The following DCDC2 variants were observed in gnomAD, a reference collection of about 807,000 sequenced individuals.
DCDC2 encodes doublecortin domain-containing protein 2.
DCDC2 carries 40 observed loss-of-function variants against 50.2 expected under a neutral mutation model. That is an observed-to-expected ratio of 0.80 (90% CI 0.62 to 1.04). The LOEUF is 1.04. Ranked by LOEUF, DCDC2 falls within the 50% of genes least tolerant of loss-of-function variation. The pLI, the probability that DCDC2 is intolerant of heterozygous loss-of-function variation, is 0.00. For synonymous variants in DCDC2, 234 were observed against 210.6 expected, an observed-to-expected ratio of 1.11 and a Z score of -0.96; for missense variants, 570 against 581.9, an observed-to-expected ratio of 0.98 and a Z score of 0.21.
chr6:24,275,920 A>G (rs1194303688), intron 7 of DCDC2, among the ~76,000 whole-genome samples: 2 of 125,182 alleles, frequency 1.6e-5, no homozygotes, highest in African/African-American at 6.1e-5. Flanking sequence ...CCCAGGCTGG[A>G]GTGCAGTGAC....
chr6:24,212,686 T>A (rs1003098597), intron 7 of DCDC2, among the ~76,000 whole-genome samples: 28 of 152,306 alleles, frequency 1.8e-4, no homozygotes, highest in African/African-American at 6.0e-4. Flanking sequence ...TACACCCAAA[T>A]TCAGCTCTCA....
At chr6:24,283,560 A>T (rs555798800) in intron 6 of DCDC2, among the ~76,000 whole-genome samples, 320 of 152,206 alleles carry the variant, frequency 2.1e-3, no homozygotes, top group African/African-American at 7.3e-3. Context: ...GTCCCCTTTG[A>T]TTTGCATCAT....
At chr6:24,178,282 C>G in intron 9 of DCDC2, 48 bp downstream of exon 9, 2 of 1,550,776 alleles carry the variant, frequency 1.3e-6, no homozygotes, top group Non-Finnish European at 1.8e-6. Context: ...CATGTACACA[C>G]ACACATATTC....
In DCDC2 at chr6:24,357,791, G is replaced by C. The variant is rs367903367; in HGVS notation, c.-41C>G. 2 of 1,611,768 alleles carry C rather than the reference G, an allele frequency of 1.2e-6. No individual in the cohort carries two copies. Among genetic ancestry groups the C allele is most frequent in the East Asian group, 2.2e-5 (1 of 44,854 alleles). ...CCGCCTCAGCTCGCTGCTTCGCGTC[G>C]GGAGGCACCTCCGCTGTCCCAGCGG... On this transcript the variant is annotated 5_prime_UTR_variant, in exon 1 of 10. Transcript: ENST00000378454.
In DCDC2 at chr6:24,255,639, G is replaced by A. The variant is rs142032506; in HGVS notation, c.922+22410C>T. On this transcript the variant is annotated intron_variant, in intron 7 of 9. Coordinates refer to ENST00000378454, the MANE Select transcript of DCDC2 (RefSeq NM_016356.5). ...AAAAATGGACATGAGACTTGAATAG[G>A]AGCTTTACTAAAAAGCACCTCGGAA... 3.5e-4 allele frequency among the ~76,000 whole-genome samples: 54 copies of A among 152,144 alleles called. 2 individuals carry two copies. Among genetic ancestry groups the A allele is most frequent in the Middle Eastern group, 3.4e-3 (1 of 294 alleles).
intron 2 of DCDC2, among the ~76,000 whole-genome samples, chr6:24,305,794 A>AGG (rs60550308): frequency 0.047 from 7,086 of 151,986 alleles, 330 homozygotes; most frequent in African/African-American, 0.13. Flanking sequence ...TGGGAGGCCA[A>AGG]GGGGGGGTGG....
upstream of DCDC2, among the ~76,000 whole-genome samples, chr6:24,362,808 A>G (rs1760691537): frequency 6.6e-6 from 1 of 152,168 alleles, no homozygotes; most frequent in Admixed American, 6.6e-5. Flanking sequence ...GAACATATAC[A>G]TTTCTCTTCT....
chr6:24,301,769 T>C lies in DCDC2; in HGVS notation c.503A>G (p.His168Arg). 6.2e-7 allele frequency: 1 copy of C among 1,614,184 alleles called. No homozygotes were observed. Among genetic ancestry groups the C allele is most frequent in the Non-Finnish European group, 8.5e-7 (1 of 1,180,034 alleles). Residue 168 changes from histidine to arginine, a missense_variant, in exon 4 of 10, where the codon CAT becomes CGT. Physicochemically the swap from His to Arg is conservative, Grantham distance 29. Transcript: ENST00000378454. ...TTTTTCTGTGACCATTTGTAGTACA[T>C]GATCCCACTGATTCAAGGTTTTTCT... The part of the protein sequence containing the change: ...IPRKTLNQWD[H>R]VLQMVTEKIT...
chr6:24,358,024 C>A lies in DCDC2; in HGVS notation c.-274G>T. The stretch of plus-strand genomic sequence containing the variant: ...CGCAGTGCGCGCACCACACCAGGTT[C>A]ACCTGCTACGGGCAGAATCAAGGTG... On this transcript the variant is annotated 5_prime_UTR_variant, in exon 1 of 10. Coordinates refer to ENST00000378454, the MANE Select transcript of DCDC2 (RefSeq NM_016356.5). 8.1e-7 allele frequency: 1 copy of A among 1,239,162 alleles called. No homozygotes were observed. The highest frequency in any genetic ancestry group is 1.1e-6 in the Non-Finnish European group (1 of 911,854). The allele number at this position is 1,239,162 out of a possible 1,614,324, so 76.8% of individuals were successfully genotyped here.
the DCDC2 span, among the ~76,000 whole-genome samples, chr6:24,370,254 G>A: frequency 1.7e-4 from 26 of 152,226 alleles, no homozygotes; most frequent in East Asian, 7.7e-4. Flanking sequence ...ATAAGTCTTG[G>A]TGGGAATGTG....
At chr6:24,279,291 G>T (rs559794680) in intron 6 of DCDC2, among the ~76,000 whole-genome samples, 55 of 152,174 alleles carry the variant, frequency 3.6e-4, no homozygotes, top group African/African-American at 1.3e-3. Flanking sequence ...ATCATTTGAG[G>T]TCAGGAGTTT....
chr6:24,299,020 A>G (rs1759317753), intron 4 of DCDC2, among the ~76,000 whole-genome samples: 1 of 152,212 alleles, frequency 6.6e-6, no homozygotes, highest in Admixed American at 6.5e-5. Context: ...CATTCTACCA[A>G]AAAGAAGCAT....
At position 24,337,421 on chromosome 6, in the gene DCDC2, CA is replaced by C. The variant is rs537457041; in HGVS notation, c.348+16147del. ...GTCCTATAGGGAATATTTGCAAAGC[CA>C]AAAAAAAAAATGTCAATTGAGAATA... On this transcript the variant is annotated intron_variant, in intron 2 of 9. Transcript: ENST00000378454. 1.5e-3 allele frequency among the ~76,000 whole-genome samples: 212 copies of C among 142,518 alleles called. No homozygotes were observed. In the South Asian group the frequency reaches 0.017, roughly 11 times the overall value. The allele number at this position is 142,518 out of a possible 152,430, so 93.5% of individuals were successfully genotyped here.
At chr6:24,367,006 T>A in the DCDC2 span, among the ~76,000 whole-genome samples, 1 of 152,030 alleles carries the variant, frequency 6.6e-6, no homozygotes, top group Non-Finnish European at 1.5e-5. Flanking sequence ...CTAATTTTTT[T>A]AAATGTTGTG....
intron 2 of DCDC2, among the ~76,000 whole-genome samples, chr6:24,305,651 G>C (rs899584839): frequency 5.9e-5 from 9 of 152,218 alleles, no homozygotes; most frequent in Admixed American, 4.6e-4. Context: ...GGCTTTAGAT[G>C]ATGGGGAACA....
At chr6:24,204,938 C>T (rs1761675486) in intron 8 of DCDC2, 64 bp downstream of exon 8, 1 of 1,484,362 alleles carries the variant, frequency 6.7e-7, no homozygotes, top group African/African-American at 1.4e-5. Context: ...TAGGAGATAA[C>T]ACAAAACTTG....
At chr6:24,195,224 T>C (rs1761406474) in intron 8 of DCDC2, among the ~76,000 whole-genome samples, 1 of 152,166 alleles carries the variant, frequency 6.6e-6, no homozygotes, top group African/African-American at 2.4e-5. Context: ...CAAAGGACTT[T>C]ATTGCTCACG....
At chr6:24,284,400 G>A (rs970473051) in intron 6 of DCDC2, among the ~76,000 whole-genome samples, 3 of 151,836 alleles carry the variant, frequency 2.0e-5, no homozygotes, top group African/African-American at 7.3e-5. Context: ...GAGGTCAGGA[G>A]TTCAAGACCA....
At chr6:24,260,304 T>G (rs1214411984) in intron 7 of DCDC2, among the ~76,000 whole-genome samples, 3 of 152,210 alleles carry the variant, frequency 2.0e-5, no homozygotes, top group Non-Finnish European at 4.4e-5. Context: ...CTCTCTCATT[T>G]CTGGTACTAA....
Sources: allele counts gnomAD v4.1 joint callset (sites outside exome capture counted in the v4.1 genomes callset), GRCh38; gene constraint gnomAD v4.1.1; transcripts MANE v1.5; gene names NCBI Gene and HGNC (gene_info 2026-07-23, HGNC 2026-07-21).